Variants in CSNK2A2IP observed in about 807,000 individuals in gnomAD.
The protein encoded by CSNK2A2IP is casein kinase II subunit alpha'-interacting protein.
At chr3:88,464,093 C>T in the CSNK2A2IP span, among the ~76,000 whole-genome samples, 1 of 145,618 alleles carries the variant, frequency 6.9e-6, no homozygotes, top group Admixed American at 7.2e-5. Flanking sequence ...TGTTCTCACT[C>T]ATAGGTGGGA....
chr3:88,416,878 G>T, the CSNK2A2IP span, among the ~76,000 whole-genome samples: 3 of 151,810 alleles, frequency 2.0e-5, no homozygotes, highest in African/African-American at 7.3e-5. Context: ...TCTTTTAATT[G>T]CACGTGCTAA....
the CSNK2A2IP span, among the ~76,000 whole-genome samples, chr3:88,359,387 T>C: frequency 3.9e-5 from 6 of 152,048 alleles, no homozygotes; most frequent in Non-Finnish European, 8.8e-5. Context: ...TGATCTTTTA[T>C]TATTTTTTTC....
chr3:88,466,563 A>T, the CSNK2A2IP span: 65 of 1,231,744 alleles, frequency 5.3e-5, no homozygotes, highest in African/African-American at 8.8e-4. Flanking sequence ...AGTTTTCTCC[A>T]AAGACAGAAT....
the CSNK2A2IP span, among the ~76,000 whole-genome samples, chr3:88,452,789 T>C: frequency 2.9e-3 from 437 of 152,270 alleles, 2 homozygotes; most frequent in African/African-American, 9.8e-3. Flanking sequence ...GGCACATAGC[T>C]TACAAGATTG....
the CSNK2A2IP span, among the ~76,000 whole-genome samples, chr3:88,459,590 C>T: frequency 6.6e-6 from 1 of 151,984 alleles, no homozygotes; most frequent in Non-Finnish European, 1.5e-5. Flanking sequence ...TTTTCCTAAA[C>T]AATGTTAAAT....
At chr3:88,452,509 T>A in the CSNK2A2IP span, among the ~76,000 whole-genome samples, 662 of 152,248 alleles carry the variant, frequency 4.3e-3, 16 homozygotes, top group Non-Finnish European at 2.1e-3. Context: ...TGAATACAGC[T>A]GCAAGGTGAT....
chr3:88,456,315 C>T, the CSNK2A2IP span, among the ~76,000 whole-genome samples: 2 of 152,020 alleles, frequency 1.3e-5, no homozygotes, highest in Non-Finnish European at 2.9e-5. Flanking sequence ...TTCCTTCTTT[C>T]AATCCATGAA....
the CSNK2A2IP span, among the ~76,000 whole-genome samples, chr3:88,464,230 G>T: frequency 6.6e-6 from 1 of 151,420 alleles, no homozygotes; most frequent in Non-Finnish European, 1.5e-5. Flanking sequence ...GAGTTAATGG[G>T]TGCAGCACAC....
At chr3:88,446,506 G>C in the CSNK2A2IP span, among the ~76,000 whole-genome samples, 1 of 152,146 alleles carries the variant, frequency 6.6e-6, no homozygotes, top group Non-Finnish European at 1.5e-5. Context: ...TTTTCCAATA[G>C]TCAACACCTG....
the CSNK2A2IP span, among the ~76,000 whole-genome samples, chr3:88,439,403 G>T: frequency 5.3e-5 from 8 of 151,874 alleles, no homozygotes; most frequent in East Asian, 1.5e-3. Flanking sequence ...ACCTTTTTAG[G>T]TTTTTTTATG....
chr3:88,346,725 C>T, the CSNK2A2IP span, among the ~76,000 whole-genome samples: 1 of 151,920 alleles, frequency 6.6e-6, no homozygotes, highest in African/African-American at 2.4e-5. Context: ...ATTAACAATG[C>T]ATCTGGTCAC....
the CSNK2A2IP span, among the ~76,000 whole-genome samples, chr3:88,404,375 A>C: frequency 6.6e-6 from 1 of 152,162 alleles, no homozygotes; most frequent in Non-Finnish European, 1.5e-5. Context: ...TAATAAGAAA[A>C]TCCTCAATAT....
At chr3:88,420,882 C>T in the CSNK2A2IP span, among the ~76,000 whole-genome samples, 3 of 152,060 alleles carry the variant, frequency 2.0e-5, no homozygotes, top group South Asian at 2.1e-4. Flanking sequence ...GGATCTAACT[C>T]ATGTAATGGG....
chr3:88,458,582 T>C, the CSNK2A2IP span, among the ~76,000 whole-genome samples: 2 of 152,086 alleles, frequency 1.3e-5, no homozygotes, highest in Non-Finnish European at 2.9e-5. Context: ...TCTCTACTGT[T>C]TTCTTTCTTC....
At chr3:88,418,305 T>C in the CSNK2A2IP span, among the ~76,000 whole-genome samples, 2 of 152,032 alleles carry the variant, frequency 1.3e-5, no homozygotes, top group Non-Finnish European at 2.9e-5. Flanking sequence ...AAGATCGTGG[T>C]GCAGTGAACA....
chr3:88,386,455 C>A, the CSNK2A2IP span, among the ~76,000 whole-genome samples: 5 of 152,140 alleles, frequency 3.3e-5, no homozygotes, highest in African/African-American at 1.2e-4. Flanking sequence ...AAAGAAACCA[C>A]GGAGAAAGCA....
At chr3:88,465,367 C>T in the CSNK2A2IP span, 1 of 1,231,584 alleles carries the variant, frequency 8.1e-7, no homozygotes, top group Non-Finnish European at 1.0e-6. Flanking sequence ...GATGGTGCCA[C>T]TAGCATATTA....
the CSNK2A2IP span, among the ~76,000 whole-genome samples, chr3:88,372,936 C>G: frequency 6.6e-6 from 1 of 151,384 alleles, no homozygotes; most frequent in South Asian, 2.1e-4. Flanking sequence ...AAAGATATAA[C>G]AATTATAAAT....
the CSNK2A2IP span, among the ~76,000 whole-genome samples, chr3:88,444,038 A>T: frequency 8.5e-5 from 13 of 152,100 alleles, no homozygotes; most frequent in Non-Finnish European, 5.9e-5. Flanking sequence ...GTCACAGATA[A>T]TATTTTTAAA....
Sources: gnomAD v4.1 joint callset for allele counts (sites outside exome capture counted in the v4.1 genomes callset) on GRCh38, gnomAD v4.1.1 for gene constraint, MANE v1.5 for transcripts, NCBI Gene and HGNC (gene_info 2026-07-23, HGNC 2026-07-21) for gene names.